Variants in RANBP2 observed in about 807,000 individuals in gnomAD.
RANBP2 encodes RAN binding protein 2.
RANBP2 carries 57 observed loss-of-function variants against 303.6 expected under a neutral mutation model. The ratio of observed to expected loss-of-function variants is 0.19; its 90% CI spans 0.15 to 0.23. The LOEUF is 0.23. Ranked by LOEUF, RANBP2 falls within the 10% of genes least tolerant of loss-of-function variation. The pLI is 1.00. For missense variants in RANBP2, 3,138 were observed against 3,780.8 expected (o/e 0.83, Z 4.46); for synonymous variants, 1,167 against 1,301.5 (o/e 0.90, Z 2.23).
At chr2:108,882,153 C>CA in the RANBP2 span, 879 of 90,078 alleles carry the variant, frequency 9.8e-3, 7 homozygotes, top group African/African-American at 0.02. Flanking sequence ...GACCCTGTCT[C>CA]AAAAAAAAAA....
chr2:108,762,297 A>G lies in RANBP2; in HGVS notation c.2697+102A>G, dbSNP rs1676786870. On this transcript the variant is annotated intron_variant, in intron 19 of 28. Transcript: ENST00000283195. ...AGAGCAGTTCACTATTAAAACTTTT[A>G]TGTCCCTTAAAATGTAGATATTTTA... 3 of 1,162,938 alleles carry G rather than the reference A, an allele frequency of 2.6e-6. No homozygotes were observed. In the East Asian group the frequency reaches 8.0e-5, roughly 31 times the overall value. 72.0% of individuals were successfully genotyped at this position (1,162,938 alleles called of 1,614,324 possible). A position where few individuals can be genotyped will look rare whatever the true frequency, so the allele number is the denominator to read the frequency against.
the RANBP2 span, chr2:109,737,346 C>T: frequency 7.3e-6 from 5 of 689,382 alleles, no homozygotes; most frequent in Non-Finnish European, 1.3e-5. Flanking sequence ...CGGTCACCAC[C>T]CCTTCGCCAA....
At chr2:109,247,345 C>A in the RANBP2 span, among the ~76,000 whole-genome samples, 1 of 152,200 alleles carries the variant, frequency 6.6e-6, no homozygotes, top group Non-Finnish European at 1.5e-5. Flanking sequence ...CCTCCCTGAA[C>A]TTCGTTAGTT....
At chr2:109,432,448 C>G in the RANBP2 span, 3 of 1,602,006 alleles carry the variant, frequency 1.9e-6, no homozygotes, top group Admixed American at 3.4e-5. Flanking sequence ...GCCGGCCGGT[C>G]CCCTATCCCC....
At chr2:109,342,827 A>C in the RANBP2 span, among the ~76,000 whole-genome samples, 1 of 152,246 alleles carries the variant, frequency 6.6e-6, no homozygotes, top group Non-Finnish European at 1.5e-5. Context: ...TGTGTGTGCC[A>C]CATCTGAGTA....
the RANBP2 span, chr2:109,614,354 C>G: frequency 1.3e-6 from 1 of 758,520 alleles, no homozygotes; most frequent in Non-Finnish European, 1.8e-6. Context: ...TGGCCGAGTC[C>G]TCTGGCCTCA....
the RANBP2 span, chr2:109,613,568 G>A: frequency 3.9e-6 from 1 of 256,760 alleles, no homozygotes; most frequent in Admixed American, 5.4e-5. Flanking sequence ...TCCCGACGCT[G>A]GCGCCGCGCC....
At chr2:108,847,843 A>G in the RANBP2 span, among the ~76,000 whole-genome samples, 1 of 152,242 alleles carries the variant, frequency 6.6e-6, no homozygotes, top group Non-Finnish European at 1.5e-5. Flanking sequence ...AAAAAACCAT[A>G]TAACTGCCTT....
chr2:109,567,210 C>G, the RANBP2 span, among the ~76,000 whole-genome samples: 1 of 152,140 alleles, frequency 6.6e-6, no homozygotes. Flanking sequence ...TATGTTAAGT[C>G]TCAGGGAGGT....
chr2:108,956,919 G>C, the RANBP2 span, among the ~76,000 whole-genome samples: 1 of 152,080 alleles, frequency 6.6e-6, no homozygotes, highest in Non-Finnish European at 1.5e-5. Context: ...CTCCCGAGTA[G>C]CTGGGATTAC....
At chr2:109,024,187 C>T in the RANBP2 span, among the ~76,000 whole-genome samples, 812 of 152,228 alleles carry the variant, frequency 5.3e-3, 6 homozygotes, top group African/African-American at 0.018. Context: ...AGCCTCCCAA[C>T]GTGCTGGGAT....
the RANBP2 span, among the ~76,000 whole-genome samples, chr2:109,445,902 G>C: frequency 6.6e-5 from 10 of 152,204 alleles, no homozygotes; most frequent in African/African-American, 2.4e-4. Flanking sequence ...CAGATACTAG[G>C]GACATAGAAT....
chr2:109,640,382 G>A, the RANBP2 span, among the ~76,000 whole-genome samples: 2 of 152,250 alleles, frequency 1.3e-5, no homozygotes, highest in East Asian at 1.9e-4. Flanking sequence ...AACCTGGGAG[G>A]CAGAGGTTGC....
chr2:109,313,883 C>A, the RANBP2 span, among the ~76,000 whole-genome samples: 1 of 143,386 alleles, frequency 7.0e-6, no homozygotes, highest in African/African-American at 2.8e-5. Context: ...TGAAGAGTGG[C>A]AGTGGAGGAG....
At chr2:108,725,029 A>G (rs1345259780) in intron 1 of RANBP2, among the ~76,000 whole-genome samples, 1 of 152,210 alleles carries the variant, frequency 6.6e-6, no homozygotes, top group Non-Finnish European at 1.5e-5. Flanking sequence ...GTTTTGGACA[A>G]TTACAATTAC....
chr2:109,246,256 C>T, the RANBP2 span, among the ~76,000 whole-genome samples: 409 of 152,320 alleles, frequency 2.7e-3, 2 homozygotes, highest in African/African-American at 9.4e-3. Flanking sequence ...CAGTTCTAGA[C>T]GCTGGTCGTC....
At chr2:109,070,100 G>C in the RANBP2 span, among the ~76,000 whole-genome samples, 2 of 152,308 alleles carry the variant, frequency 1.3e-5, no homozygotes, top group Admixed American at 6.5e-5. Flanking sequence ...GACAGGCAGA[G>C]AGACTATACG....
At chr2:109,675,842 G>A in the RANBP2 span, among the ~76,000 whole-genome samples, 1 of 152,138 alleles carries the variant, frequency 6.6e-6, no homozygotes, top group Non-Finnish European at 1.5e-5. Context: ...AGGCGGCCCC[G>A]GCCCTAAAGC....
the RANBP2 span, among the ~76,000 whole-genome samples, chr2:109,031,322 G>C: frequency 6.6e-6 from 1 of 152,200 alleles, no homozygotes. Context: ...GATGTGGCAG[G>C]GGTGGGGTAG....
Sources: allele counts gnomAD v4.1 joint callset (sites outside exome capture counted in the v4.1 genomes callset), GRCh38; gene constraint gnomAD v4.1.1; transcripts MANE v1.5; gene names NCBI Gene and HGNC (gene_info 2026-07-23, HGNC 2026-07-21).